SCN7A: variants seen among roughly 807,000 people sequenced by gnomAD.
SCN7A encodes the protein sodium voltage-gated channel alpha subunit 7.
A neutral mutation model predicts 155.2 loss-of-function variants in SCN7A; 138 were observed. The ratio of observed to expected loss-of-function variants is 0.89; its 90% CI spans 0.77 to 1.02. The LOEUF is 1.02. Ranked by LOEUF, SCN7A falls within the 50% of genes least tolerant of loss-of-function variation. The pLI is 0.00. For missense variants in SCN7A, 2,058 were observed against 1,986.6 expected (o/e 1.04, Z -0.68); for synonymous variants, 693 against 649.0 (o/e 1.07, Z -1.03).
intron 2 of SCN7A, 80 bp from the exon 3 acceptor site, chr2:166,477,790 C>T: frequency 1.2e-6 from 1 of 805,894 alleles, no homozygotes; most frequent in Non-Finnish European, 1.9e-6. Flanking sequence ...AAAATAGAGA[C>T]CAGTAAACTG....
At chr2:166,476,977 A>T (rs1702812791) in intron 3 of SCN7A, among the ~76,000 whole-genome samples, 2 of 152,060 alleles carry the variant, frequency 1.3e-5, no homozygotes, top group African/African-American at 4.8e-5. Context: ...GACATATAGT[A>T]GTAGGTGCCT....
chr2:166,454,665 G>A (rs1375808424), intron 11 of SCN7A, among the ~76,000 whole-genome samples: 1 of 152,012 alleles, frequency 6.6e-6, no homozygotes, highest in Non-Finnish European at 1.5e-5. Flanking sequence ...AGGGCTCCGG[G>A]TATGGCTTCT....
chr2:166,445,037 C>A (rs373308823), intron 12 of SCN7A, 37 bp from the exon 13 acceptor site: 2 of 1,340,836 alleles, frequency 1.5e-6, no homozygotes, highest in Non-Finnish European at 2.1e-6. Context: ...ACATTCTGGC[C>A]GGGTGCAGTG....
intron 16 of SCN7A, among the ~76,000 whole-genome samples, chr2:166,431,969 C>A (rs766477369): frequency 3.3e-5 from 5 of 152,022 alleles, no homozygotes; most frequent in African/African-American, 7.2e-5. Flanking sequence ...GTATACTTTT[C>A]AGCACCCTCA....
intron 23 of SCN7A, among the ~76,000 whole-genome samples, chr2:166,411,365 C>T (rs924742710): frequency 6.6e-6 from 1 of 152,044 alleles, no homozygotes; most frequent in Admixed American, 6.6e-5. Context: ...ACATTACTCA[C>T]TTTGCAGCTA....
intron 11 of SCN7A, among the ~76,000 whole-genome samples, chr2:166,455,659 C>T (rs890365136): frequency 2.0e-5 from 3 of 152,116 alleles, no homozygotes; most frequent in African/African-American, 7.2e-5. Flanking sequence ...AATATACCCA[C>T]ATAACAAACC....
rs1702294558 is a variant in SCN7A at position 166,456,882 on chromosome 2, A to G, written c.1278T>C (p.Asn426=). The G allele has an allele frequency of 6.5e-7, 1 of 1,534,896 alleles. No homozygotes were observed. The highest frequency in any genetic ancestry group is 1.2e-5 in the South Asian group (1 of 83,712). ...TAGATATAGATACCTCATCTGTTTC[A>G]TTTCCTTCTTGAAGTTCTTTTCCAG... ...QQTGKELQEG[N]ETDEAKTIQI... The change falls in exon 11 of 26, where the codon AAT becomes AAC. Residue 426 remains asparagine, a synonymous_variant. Transcript: ENST00000643258.
At position 166,455,118 on chromosome 2, in the gene SCN7A, A is replaced by C. The variant is rs894945769; in HGVS notation, c.1290+1752T>G. On this transcript the variant is annotated intron_variant, in intron 11 of 25. Transcript: ENST00000643258. The stretch of plus-strand genomic sequence containing the variant: ...TAAAGTAATTTTATTTCTGTCTACA[A>C]CTTCAGTACTGTAATTTTATCCATC... Among the ~76,000 whole-genome samples the C allele has an allele frequency of 2.6e-5, 4 of 152,158 alleles. No individual in the cohort carries two copies. In the East Asian group the frequency reaches 7.7e-4, roughly 29 times the overall value.
At chr2:166,455,771 T>C (rs1292653508) in intron 11 of SCN7A, among the ~76,000 whole-genome samples, 5 of 152,194 alleles carry the variant, frequency 3.3e-5, no homozygotes, top group Admixed American at 3.3e-4. Context: ...TTGAATTTTA[T>C]CGAAGGCCCT....
At chr2:166,493,343 C>G (rs1055345428) in intron 1 of SCN7A, among the ~76,000 whole-genome samples, 4 of 152,290 alleles carry the variant, frequency 2.6e-5, no homozygotes, top group Middle Eastern at 3.4e-3. Context: ...AGTTTTGAAG[C>G]TAACACAACC....
chr2:166,470,116 A>G (rs900825860), intron 7 of SCN7A, among the ~76,000 whole-genome samples: 3 of 151,818 alleles, frequency 2.0e-5, no homozygotes, highest in African/African-American at 7.2e-5. Flanking sequence ...AGCATCTTCC[A>G]TCAATGTGAT....
chr2:166,439,627 AT>A (rs897494308), intron 15 of SCN7A, among the ~76,000 whole-genome samples: 1 of 152,060 alleles, frequency 6.6e-6, no homozygotes, highest in Admixed American at 6.5e-5. Context: ...ATATATGATC[AT>A]TTTTTTGTTT....
At chr2:166,472,579 G>A in intron 5 of SCN7A, 134 bp from the exon 6 acceptor site, 2 of 669,754 alleles carry the variant, frequency 3.0e-6, no homozygotes, top group East Asian at 3.0e-5. Flanking sequence ...TACTTGGTAG[G>A]CCAAAACCAA....
intron 2 of SCN7A, among the ~76,000 whole-genome samples, chr2:166,483,961 G>A (rs1203795896): frequency 6.6e-6 from 1 of 151,786 alleles, no homozygotes; most frequent in Non-Finnish European, 1.5e-5. Context: ...ATCCTTAAAA[G>A]GAACTACTAT....
chr2:166,491,453 G>A lies in SCN7A; in HGVS notation c.-128+2515C>T, dbSNP rs553778098. On this transcript the variant is annotated intron_variant, in intron 1 of 25. Transcript: ENST00000643258. Reference sequence around the variant, plus strand: ...TCAGGATGGAATATAAGAAGATGGCGCCTCATTTGTAATAAACAATAATTG... The same window carrying A: ...TCAGGATGGAATATAAGAAGATGGCACCTCATTTGTAATAAACAATAATTG... Among the ~76,000 whole-genome samples, 7 of 152,246 alleles carry A rather than the reference G, an allele frequency of 4.6e-5. No individual in the cohort carries two copies. In the East Asian group the frequency reaches 7.7e-4, roughly 17 times the overall value.
intron 15 of SCN7A, chr2:166,436,559 G>C (rs1701843929): frequency 5.1e-6 from 1 of 197,490 alleles, no homozygotes; most frequent in South Asian, 5.9e-5. Context: ...AGAGAATGGG[G>C]CACTGCTGTA....
intron 9 of SCN7A, among the ~76,000 whole-genome samples, chr2:166,464,190 GTA>G (rs1702477416): frequency 6.6e-6 from 1 of 150,452 alleles, no homozygotes; most frequent in Admixed American, 6.6e-5. Context: ...GTGTATATAT[GTA>G]TGTGTGTGTA....
rs1701047037 is a variant in SCN7A, at chr2:166,405,475, G to T, written c.*105C>A. 2 of 838,728 alleles carry T rather than the reference G, an allele frequency of 2.4e-6. No individual in the cohort carries two copies. Among genetic ancestry groups the T allele is most frequent in the Non-Finnish European group, 3.7e-6 (2 of 543,176 alleles). The allele number at this position is 838,728 out of a possible 1,614,324, so 52.0% of individuals were successfully genotyped here. ...GTGAATACAAGCTTAATTACCATCG[G>T]TTGTAAAGAACTGATTATTATCTCT... On this transcript the variant is annotated 3_prime_UTR_variant, in exon 26 of 26. Coordinates refer to ENST00000643258, the MANE Select transcript of SCN7A (RefSeq NM_002976.4).
chr2:166,420,041 A>T (rs2105387392), intron 20 of SCN7A, among the ~76,000 whole-genome samples: 1 of 152,252 alleles, frequency 6.6e-6, no homozygotes, highest in East Asian at 1.9e-4. Context: ...TCACGGGCTA[A>T]GTATACATAT....
Sources: gnomAD v4.1 joint callset for allele counts (sites outside exome capture counted in the v4.1 genomes callset) on GRCh38, gnomAD v4.1.1 for gene constraint, MANE v1.5 for transcripts, NCBI Gene and HGNC (gene_info 2026-07-23, HGNC 2026-07-21) for gene names.